Variants in PIK3AP1 observed in about 807,000 individuals in gnomAD.
PIK3AP1 encodes phosphoinositide-3-kinase adaptor protein 1, also known as phosphoinositide 3-kinase adapter protein 1.
PIK3AP1 carries 21 observed loss-of-function variants against 88.1 expected under a neutral mutation model. The ratio of observed to expected loss-of-function variants is 0.24; its 90% CI spans 0.17 to 0.34. The LOEUF (loss-of-function observed/expected upper bound fraction) is 0.34. Among genes scored for constraint, PIK3AP1 ranks in the 10% least tolerant of loss-of-function variants. The probability of loss-of-function intolerance (pLI) is 1.00; values close to 1 mark genes in which losing one functional copy is unlikely to be tolerated. For synonymous variants in PIK3AP1, 398 were observed against 400.0 expected, an observed-to-expected ratio of 1.00 and a Z score of 0.06; for missense variants, 828 against 1,035.7, an observed-to-expected ratio of 0.80 and a Z score of 2.75.
chr10:96,716,215 G>A (rs1456361072), intron 1 of PIK3AP1, among the ~76,000 whole-genome samples: 1 of 152,200 alleles, frequency 6.6e-6, no homozygotes, highest in East Asian at 1.9e-4. Flanking sequence ...CTGGGAGGCA[G>A]AGGTTGCAGT....
intron 2 of PIK3AP1, among the ~76,000 whole-genome samples, chr10:96,696,842 G>A (rs577746934): frequency 3.0e-4 from 45 of 152,300 alleles, no homozygotes; most frequent in African/African-American, 1.1e-3. Flanking sequence ...AGGATAATTT[G>A]TTAGCTGAAG....
At chr10:96,678,526 T>G (rs942241931) in intron 2 of PIK3AP1, among the ~76,000 whole-genome samples, 1 of 152,166 alleles carries the variant, frequency 6.6e-6, no homozygotes, top group African/African-American at 2.4e-5. Flanking sequence ...CACCTTGATC[T>G]CCCAATGTGC....
rs1018979276 is a variant in PIK3AP1 at position 96,595,400 on chromosome 10, G to A, written c.*177C>T. On this transcript the variant is annotated 3_prime_UTR_variant, in exon 17 of 17. Coordinates refer to ENST00000339364, the MANE Select transcript of PIK3AP1 (RefSeq NM_152309.3). ...GAAGCCCTTAGTTTTTCACTTCTTC[G>A]TGCCTTAATAAAATCTTCGAGGCAA... 3.0e-5 allele frequency: 19 copies of A among 634,982 alleles called. No homozygotes were observed. The highest frequency in any genetic ancestry group is 7.4e-5 in the African/African-American group (4 of 54,104). The allele number at this position is 634,982 out of a possible 1,614,324, so 39.3% of individuals were successfully genotyped here. A position where few individuals can be genotyped will look rare whatever the true frequency, so the allele number is the denominator to read the frequency against.
At chr10:96,661,433 C>T (rs1171935362) in intron 2 of PIK3AP1, among the ~76,000 whole-genome samples, 1 of 152,124 alleles carries the variant, frequency 6.6e-6, no homozygotes, top group East Asian at 1.9e-4. Context: ...AATATAAACT[C>T]TGGCCTTCGG....
chr10:96,677,578 TACACACACACACACACACACAC>T (rs35018772), intron 2 of PIK3AP1, among the ~76,000 whole-genome samples: 1 of 121,112 alleles, frequency 8.3e-6, no homozygotes, highest in African/African-American at 2.9e-5. Flanking sequence ...ACTAAGCACA[TACACACACACACACACACACAC>T]ACACACACAC....
At chr10:96,698,130 T>C (rs544389503) in intron 2 of PIK3AP1, among the ~76,000 whole-genome samples, 1 of 152,378 alleles carries the variant, frequency 6.6e-6, no homozygotes, top group East Asian at 1.9e-4. Flanking sequence ...GGTTTGATTC[T>C]GTCCTCACAA....
rs554181937 is a variant in PIK3AP1, at chr10:96,720,263, A to G, written c.13+119T>C. 8.5e-5 allele frequency: 86 copies of G among 1,017,278 alleles called. No individual in the cohort carries two copies. Among genetic ancestry groups the G allele is most frequent in the African/African-American group, 8.2e-4 (49 of 59,890 alleles). 63.0% of individuals were successfully genotyped at this position (1,017,278 alleles called of 1,614,324 possible). ...AGGGAACATAGAAAAGAGCAGAAAG[A>G]GGGCAAGATCCCCGCACAGAGGACG... On this transcript the variant is annotated intron_variant, in intron 1 of 16. Coordinates refer to ENST00000339364, the MANE Select transcript of PIK3AP1 (RefSeq NM_152309.3). The surrounding 1 kb of genome is among the most constrained non-coding windows in gnomAD (Gnocchi z 4.6).
chr10:96,631,980 C>A (rs1336289989), intron 8 of PIK3AP1, among the ~76,000 whole-genome samples: 1 of 151,970 alleles, frequency 6.6e-6, no homozygotes, highest in African/African-American at 2.4e-5. Context: ...CTCCTTCCAC[C>A]AAGAAGGGCA....
intron 2 of PIK3AP1, among the ~76,000 whole-genome samples, chr10:96,687,522 C>T (rs1290607461): frequency 1.3e-5 from 2 of 152,152 alleles, no homozygotes; most frequent in African/African-American, 4.8e-5. Context: ...CCCAACCCTC[C>T]TCCAAAATTA....
In PIK3AP1 at chr10:96,610,917, T is replaced by A. The variant is rs368466450; in HGVS notation, c.2015-1050A>T. Among the ~76,000 whole-genome samples the A allele has an allele frequency of 2.0e-5, 3 of 152,286 alleles. No homozygotes were observed. In the East Asian group the frequency reaches 5.8e-4, roughly 29 times the overall value. On this transcript the variant is annotated intron_variant, in intron 13 of 16. Transcript: ENST00000339364. Reference sequence around the variant, plus strand: ...GGCAGGGTTTATACAGCGGTGGCTATACAAACTTGGGTAGAAGAGGTGTTA... The same window carrying A: ...GGCAGGGTTTATACAGCGGTGGCTAAACAAACTTGGGTAGAAGAGGTGTTA...
intron 13 of PIK3AP1, 82 bp from the exon 14 acceptor site, chr10:96,609,949 G>A (rs1849080109): frequency 1.3e-6 from 2 of 1,494,494 alleles, no homozygotes; most frequent in Admixed American, 1.8e-5. Context: ...CCCTCCACCT[G>A]CCTCTCTCAC....
intron 6 of PIK3AP1, 66 bp from the exon 7 acceptor site, chr10:96,648,921 G>A: frequency 7.3e-7 from 1 of 1,368,038 alleles, no homozygotes; most frequent in Non-Finnish European, 9.7e-7. Flanking sequence ...CCTTGTTCAT[G>A]GAGATGAAGC....
At chr10:96,609,153 CTCT>C in intron 14 of PIK3AP1, among the ~76,000 whole-genome samples, 1 of 152,194 alleles carries the variant, frequency 6.6e-6, no homozygotes, top group Non-Finnish European at 1.5e-5. Flanking sequence ...TTTTCTTTTT[CTCT>C]TCTTTCTTTT....
chr10:96,639,283 G>A (rs868211317), intron 8 of PIK3AP1, among the ~76,000 whole-genome samples: 1 of 152,158 alleles, frequency 6.6e-6, no homozygotes, highest in Non-Finnish European at 1.5e-5. Context: ...TTTTCTGGTA[G>A]CTCAAATTCA....
At chr10:96,697,044 A>C (rs1451367703) in intron 2 of PIK3AP1, among the ~76,000 whole-genome samples, 1 of 152,220 alleles carries the variant, frequency 6.6e-6, no homozygotes, top group African/African-American at 2.4e-5. Flanking sequence ...TGGCCAAGTG[A>C]ATTGCCTCAG....
intron 2 of PIK3AP1, among the ~76,000 whole-genome samples, chr10:96,671,905 G>T (rs1268388605): frequency 1.3e-5 from 2 of 152,032 alleles, no homozygotes; most frequent in South Asian, 2.1e-4. Flanking sequence ...GTCAGGCATG[G>T]TGCACGCCTG....
At chr10:96,597,280 T>C (rs1848778378) in intron 16 of PIK3AP1, among the ~76,000 whole-genome samples, 1 of 48,196 alleles carries the variant, frequency 2.1e-5, no homozygotes, top group Non-Finnish European at 5.1e-5. Context: ...CTTTCCTTCC[T>C]TCCTTCCTTC....
At chr10:96,600,659 CCT>C (rs1441968756) in intron 16 of PIK3AP1, among the ~76,000 whole-genome samples, 1 of 152,192 alleles carries the variant, frequency 6.6e-6, no homozygotes, top group African/African-American at 2.4e-5. Context: ...ACAGAGCCAG[CCT>C]CTCTTTCCAG....
At chr10:96,661,136 C>T (rs1223480158) in intron 2 of PIK3AP1, among the ~76,000 whole-genome samples, 2 of 151,840 alleles carry the variant, frequency 1.3e-5, no homozygotes, top group African/African-American at 4.8e-5. Flanking sequence ...TTGCAGTGAG[C>T]TGAGATTGCG....
Sources: allele counts gnomAD v4.1 joint callset (sites outside exome capture counted in the v4.1 genomes callset), GRCh38; gene constraint gnomAD v4.1.1; non-coding constraint Gnocchi (gnomAD v3.1); transcripts MANE v1.5; gene names NCBI Gene and HGNC (gene_info 2026-07-23, HGNC 2026-07-21).